Variants in TACR1 observed in about 807,000 individuals in gnomAD.
TACR1 encodes the protein tachykinin receptor 1, also known as substance-P receptor.
TACR1 carries 25 observed loss-of-function variants against 35.8 expected under a neutral mutation model. That is an observed-to-expected ratio of 0.70 (90% CI 0.51 to 0.98). The LOEUF is 0.98. Among genes scored for constraint, TACR1 ranks in the 50% least tolerant of loss-of-function variants. The pLI is 0.00. For synonymous variants in TACR1, 195 were observed against 206.7 expected (o/e 0.94, Z 0.48); for missense variants, 478 against 522.9 (o/e 0.91, Z 0.84).
chr2:75,182,598 G>C (rs143470760), intron 1 of TACR1, among the ~76,000 whole-genome samples: 14 of 152,292 alleles, frequency 9.2e-5, no homozygotes, highest in Non-Finnish European at 1.0e-4. Context: ...TGATGTCGTA[G>C]CACAACACAT....
intron 1 of TACR1, among the ~76,000 whole-genome samples, chr2:75,132,589 T>C (rs1319704321): frequency 6.6e-6 from 1 of 152,236 alleles, no homozygotes; most frequent in Non-Finnish European, 1.5e-5. Flanking sequence ...AGCTTAAGTC[T>C]CTGGGTTTGC....
chr2:75,070,928 A>G (rs1354286058), intron 2 of TACR1, among the ~76,000 whole-genome samples: 1 of 152,238 alleles, frequency 6.6e-6, no homozygotes, highest in Non-Finnish European at 1.5e-5. Flanking sequence ...TATGGCTTGC[A>G]AATTAAGAAT....
At chr2:75,055,189 CTTTGTA>C (rs1451892881) in intron 2 of TACR1, among the ~76,000 whole-genome samples, 1 of 152,220 alleles carries the variant, frequency 6.6e-6, no homozygotes, top group Admixed American at 6.5e-5. Flanking sequence ...TCAATTTCTC[CTTTGTA>C]GATACTGTTT....
At chr2:75,094,861 T>TATATATATATA (rs1558551241) in intron 2 of TACR1, among the ~76,000 whole-genome samples, 29 of 60,712 alleles carry the variant, frequency 4.8e-4, no homozygotes, top group African/African-American at 2.8e-3. Flanking sequence ...ATATATATAT[T>TATATATATATA]TTTTTTTTTT....
chr2:75,145,112 A>G (rs980875950), intron 1 of TACR1, among the ~76,000 whole-genome samples: 1 of 152,196 alleles, frequency 6.6e-6, no homozygotes. Context: ...CACTGTTAAT[A>G]TCATTTATTG....
intron 2 of TACR1, among the ~76,000 whole-genome samples, chr2:75,093,789 C>T (rs569629380): frequency 3.7e-4 from 57 of 152,118 alleles, no homozygotes; most frequent in South Asian, 1.5e-3. Context: ...GCATTTTAAA[C>T]GGAAAAGTTT....
At chr2:75,071,974 C>T (rs776171998) in intron 2 of TACR1, among the ~76,000 whole-genome samples, 1 of 152,146 alleles carries the variant, frequency 6.6e-6, no homozygotes, top group Non-Finnish European at 1.5e-5. Context: ...TGAAGGAGTA[C>T]GTACGTCATG....
At chr2:75,105,744 ACTCTAC>A (rs1332888853) in intron 2 of TACR1, among the ~76,000 whole-genome samples, 3 of 152,068 alleles carry the variant, frequency 2.0e-5, no homozygotes, top group South Asian at 2.1e-4. Context: ...CAAGAATGGA[ACTCTAC>A]CTCTGTTTTT....
chr2:75,052,160 G>A (rs966503828), intron 3 of TACR1, among the ~76,000 whole-genome samples: 3 of 152,192 alleles, frequency 2.0e-5, no homozygotes, highest in Admixed American at 6.5e-5. Flanking sequence ...GATGGTATTA[G>A]GAGGTGGCCT....
intron 1 of TACR1, chr2:75,154,401 A>AGGGCGC (rs1553380901): frequency 1.3e-5 from 1 of 76,444 alleles, no homozygotes; most frequent in Non-Finnish European, 2.7e-5. Flanking sequence ...ATCAGCCAAG[A>AGGGCGC]GCGCGCACGC....
At chr2:75,155,176 C>A (rs1326200071) in intron 1 of TACR1, among the ~76,000 whole-genome samples, 1 of 152,164 alleles carries the variant, frequency 6.6e-6, no homozygotes. Context: ...TTGCCCCATC[C>A]TCAAGCCTTC....
At chr2:75,133,860 G>A (rs2103934364) in intron 1 of TACR1, among the ~76,000 whole-genome samples, 1 of 152,326 alleles carries the variant, frequency 6.6e-6, no homozygotes, top group South Asian at 2.1e-4. Context: ...GTAGGCACAA[G>A]CTACAAGATA....
At chr2:75,055,342 G>A (rs746152285) in intron 2 of TACR1, among the ~76,000 whole-genome samples, 6 of 152,234 alleles carry the variant, frequency 3.9e-5, no homozygotes, top group Non-Finnish European at 7.3e-5. Flanking sequence ...GGGTGTGAGT[G>A]CATGTGTTCT....
rs6730883 is a variant in TACR1, at chr2:75,080,478, T to A, written c.585-26723A>T. Among the ~76,000 whole-genome samples the A allele has an allele frequency of 7.6e-3, 1,165 of 152,308 alleles. 21 individuals are homozygous for A. Among genetic ancestry groups the A allele is most frequent in the African/African-American group, 0.027 (1,102 of 41,560 alleles). Reference sequence around the variant, plus strand: ...CCCATTGGGTCAGTTATAGTTAGATTTTATAGTCTTCCTAGATCAGAACTT... The same window carrying A: ...CCCATTGGGTCAGTTATAGTTAGATATTATAGTCTTCCTAGATCAGAACTT... On this transcript the variant is annotated intron_variant, in intron 2 of 4. Coordinates refer to ENST00000305249, the MANE Select transcript of TACR1 (RefSeq NM_001058.4).
chr2:75,087,045 T>C (rs1673203147), intron 2 of TACR1, among the ~76,000 whole-genome samples: 1 of 152,150 alleles, frequency 6.6e-6, no homozygotes, highest in African/African-American at 2.4e-5. Context: ...AAGTTTAAAA[T>C]ACACATTGAA....
chr2:75,190,863 A>C (rs1454310701), intron 1 of TACR1, among the ~76,000 whole-genome samples: 1 of 152,218 alleles, frequency 6.6e-6, no homozygotes, highest in African/African-American at 2.4e-5. Context: ...TACAAAAGAC[A>C]TGAAAGGCAC....
chr2:75,097,604 G>A (rs1047884683), intron 2 of TACR1, among the ~76,000 whole-genome samples: 1 of 152,178 alleles, frequency 6.6e-6, no homozygotes, highest in Non-Finnish European at 1.5e-5. Context: ...GACTGTGGGA[G>A]GCTAAGCCAG....
intron 2 of TACR1, among the ~76,000 whole-genome samples, chr2:75,064,218 C>T (rs1433795268): frequency 6.6e-6 from 1 of 152,218 alleles, no homozygotes; most frequent in Non-Finnish European, 1.5e-5. Flanking sequence ...ACCCACACTC[C>T]TCCTCCCTTC....
chr2:75,162,824 A>G (rs1408777276), intron 1 of TACR1, among the ~76,000 whole-genome samples: 1 of 152,198 alleles, frequency 6.6e-6, no homozygotes, highest in Non-Finnish European at 1.5e-5. Flanking sequence ...TTGATGTTTC[A>G]AGGTTGTTAA....
Sources: allele counts gnomAD v4.1 joint callset (sites outside exome capture counted in the v4.1 genomes callset), GRCh38; gene constraint gnomAD v4.1.1; transcripts MANE v1.5; gene names NCBI Gene and HGNC (gene_info 2026-07-23, HGNC 2026-07-21).